Variants in ARHGEF19 observed in about 807,000 individuals in gnomAD.
ARHGEF19 encodes the protein Rho guanine nucleotide exchange factor 19, also known as Rho guanine nucleotide exchange factor (GEF) 19.
A neutral mutation model predicts 87.6 loss-of-function variants in ARHGEF19; 92 were observed. The observed-to-expected ratio is 1.05, with a 90% CI of 0.89 to 1.25. The LOEUF is 1.25. Ranked by LOEUF, ARHGEF19 falls within the 50% of genes most tolerant of loss-of-function variation. The probability of loss-of-function intolerance (pLI) is 0.00; values close to 1 mark genes in which losing one functional copy is unlikely to be tolerated. For missense variants in ARHGEF19, 1,054 were observed against 1,051.8 expected, an observed-to-expected ratio of 1.00 and a Z score of -0.03; for synonymous variants, 438 against 446.2, an observed-to-expected ratio of 0.98 and a Z score of 0.23.
Position 16,207,125 on chromosome 1 carries a change from C to T in ARHGEF19, c.960G>A (p.Glu320=). ...QQREEEGPGD[E]AEGAEEGPGP... is the part of the protein sequence containing the mutation. ...CCGGCCCCTCCTCTGCGCCCTCGGC[C>T]TCGTCCCCCGGGCCCTCCTCCTCGC... is the stretch of plus-strand genomic sequence containing the variant. The change falls in exon 6 of 16, where the codon GAG becomes GAA. Residue 320 remains glutamate (E), a synonymous_variant. Coordinates refer to ENST00000270747, the MANE Select transcript of ARHGEF19 (RefSeq NM_153213.5). The surrounding 1 kb of genome is among the most constrained non-coding windows in gnomAD (Gnocchi z 4.0). 6.6e-7 allele frequency: 1 copy of T among 1,520,952 alleles called. No individual in the cohort carries two copies. Among genetic ancestry groups the T allele is most frequent in the Non-Finnish European group, 8.8e-7 (1 of 1,138,280 alleles). 94.2% of individuals were successfully genotyped at this position (1,520,952 alleles called of 1,614,324 possible).
In ARHGEF19 at chr1:16,209,001, G is replaced by A. The variant is rs1039661257; in HGVS notation, c.54C>T (p.Gly18=). ...TLQPHLTGPP[G]TAHHPVAVCQ... is the part of the protein sequence containing the mutation. ...ACACTGCTACAGGGTGGTGGGCAGT[G>A]CCAGGTGGCCCAGTCAGGTGGGGCT... The change falls in exon 2 of 16, where the codon GGC becomes GGT. Residue 18 remains glycine, a synonymous_variant. Transcript: ENST00000270747. 1.7e-5 allele frequency: 25 copies of A among 1,510,594 alleles called. No homozygotes were observed. Among genetic ancestry groups the A allele is most frequent in the Non-Finnish European group, 2.2e-5 (25 of 1,130,552 alleles). 93.6% of individuals were successfully genotyped at this position (1,510,594 alleles called of 1,614,324 possible).
Position 16,206,224 on chromosome 1 carries a change from C to G in ARHGEF19, c.1254G>C (p.Gln418His). ...LSECLGAQDK[Q>H]WLFSKLPEVK... ...CCTCGGGCAGTTTGGAAAACAGCCA[C>G]TGCTTGTCCTGCGCCCCCAGACACT... The change falls in exon 7 of 16, where the codon CAG becomes CAC. Residue 418 changes from glutamine to histidine, a missense_variant. Gln to His is a conservative substitution (Grantham distance 24). Transcript: ENST00000270747. The surrounding 1 kb of genome is among the most constrained non-coding windows in gnomAD (Gnocchi z 4.6). The G allele has an allele frequency of 6.3e-7, 1 of 1,597,156 alleles. No homozygotes were observed. The highest frequency in any genetic ancestry group is 8.5e-7 in the Non-Finnish European group (1 of 1,171,738).
Position 16,206,907 on chromosome 1 carries a change from C to T in ARHGEF19, c.1137+41G>A. ...GCTAAGTCCCCGGACCGCGTACTCC[C>T]CGGCCCGCCCCCGCCCCGCCGGGTC... is the stretch of plus-strand genomic sequence containing the variant. On this transcript the variant is annotated intron_variant, in intron 6 of 15. Coordinates refer to ENST00000270747, the MANE Select transcript of ARHGEF19 (RefSeq NM_153213.5). This position sits in a 1 kb window ranked among gnomAD's most constrained non-coding sequence, Gnocchi z 4.6. 7.0e-7 allele frequency: 1 copy of T among 1,424,888 alleles called. No homozygotes were observed. Among genetic ancestry groups the T allele is most frequent in the South Asian group, 1.5e-5 (1 of 68,258 alleles). The allele number at this position is 1,424,888 out of a possible 1,614,324, so 88.3% of individuals were successfully genotyped here. A position where few individuals can be genotyped will look rare whatever the true frequency, so the allele number is the denominator to read the frequency against.
chr1:16,204,821 C>T lies in ARHGEF19; in HGVS notation c.1845G>A (p.Leu615=). ...GGTGGAGGTAGACTGCCTTGCTGGA[C>T]AGCTTCAGCTTGGCAGGGGGTGCTG... The part of the protein sequence containing the change: ...LPAAPPAKLK[L]SSKAVYLHLF... The change falls in exon 12 of 16, where the codon CTG becomes CTA. Residue 615 remains leucine (L), a synonymous_variant. Transcript: ENST00000270747. The T allele has an allele frequency of 6.2e-7, 1 of 1,611,650 alleles. No individual in the cohort carries two copies. Among genetic ancestry groups the T allele is most frequent in the Non-Finnish European group, 8.5e-7 (1 of 1,178,834 alleles).
chr1:16,203,015 G>A (rs115214110), intron 12 of ARHGEF19, among the ~76,000 whole-genome samples: 466 of 152,102 alleles, frequency 3.1e-3, no homozygotes, highest in Non-Finnish European at 4.9e-3. Context: ...TCTGCCAAGC[G>A]TCTGTTCCAA....
At position 16,207,548 on chromosome 1, in the gene ARHGEF19, C is replaced by A; in HGVS notation, c.848G>T (p.Arg283Leu). The change falls in exon 5 of 16, where the codon CGG becomes CTG. Residue 283 changes from arginine to leucine, a missense_variant. Transcript: ENST00000270747. The surrounding 1 kb of genome is among the most constrained non-coding windows in gnomAD (Gnocchi z 4.0). ...PPLGSRSTNE[R>L]RQSRFLLNSV... ...GTTAAGGAGGAATCGAGACTGGCGC[C>A]GCTCGTTGGTGCTCCTGGACCCCAA... The A allele has an allele frequency of 1.2e-6, 2 of 1,613,998 alleles. No homozygotes were observed. The highest frequency in any genetic ancestry group is 2.2e-5 in the East Asian group (1 of 44,860).
In ARHGEF19 at chr1:16,206,961, C is replaced by T. The variant is rs1223095429; in HGVS notation, c.1124G>A (p.Cys375Tyr). The T allele has an allele frequency of 1.3e-5, 20 of 1,498,190 alleles. No homozygotes were observed. Among genetic ancestry groups the T allele is most frequent in the Admixed American group, 2.2e-5 (1 of 44,628 alleles). The allele number at this position is 1,498,190 out of a possible 1,614,324, so 92.8% of individuals were successfully genotyped here. Residue 375 changes from cysteine to tyrosine, a missense_variant, in exon 6 of 16, where the codon TGC (cysteine) becomes TAC (tyrosine). Physicochemically the swap from Cys to Tyr is radical, Grantham distance 194. Coordinates refer to ENST00000270747, the MANE Select transcript of ARHGEF19 (RefSeq NM_153213.5). This position sits in a 1 kb window ranked among gnomAD's most constrained non-coding sequence, Gnocchi z 4.6. ...GVLATLSLRD[C>Y]KLQEAKFELI... Reference sequence around the variant, plus strand: ...GCGCGCGCCCACCTCCTGCAGCTTGCAGTCCCGCAGGCTCAGCGTGGCCAG... The same window carrying T: ...GCGCGCGCCCACCTCCTGCAGCTTGTAGTCCCGCAGGCTCAGCGTGGCCAG...
rs2081129612 is a variant in ARHGEF19 at position 16,206,027 on chromosome 1, C to A, written c.1355G>T (p.Cys452Phe). ...LEADVLRFSVCDVVLDHCPAF... is the reference protein window; with the variant it reads ...LEADVLRFSVFDVVLDHCPAF... ...CGGGCAGTGGTCCAGCACCACGTCG[C>A]ACACGCTGAAGCGCAGCACATCTGC... The change falls in exon 8 of 16, where the codon TGC becomes TTC. Residue 452 changes from cysteine to phenylalanine, a missense_variant. Coordinates refer to ENST00000270747, the MANE Select transcript of ARHGEF19 (RefSeq NM_153213.5). This position sits in a 1 kb window ranked among gnomAD's most constrained non-coding sequence, Gnocchi z 4.6. The A allele has an allele frequency of 6.3e-7, 1 of 1,598,622 alleles. No homozygotes were observed. Among genetic ancestry groups the A allele is most frequent in the African/African-American group, 1.3e-5 (1 of 74,788 alleles).
intron 13 of ARHGEF19, 74 bp downstream of exon 13, chr1:16,202,342 G>T: frequency 3.7e-6 from 3 of 817,966 alleles, no homozygotes; most frequent in Non-Finnish European, 4.9e-6. Flanking sequence ...TGGGGACGGG[G>T]TGCCCATCAT....
In ARHGEF19 at chr1:16,207,624, C is replaced by G. The variant is rs984766086; in HGVS notation, c.798-26G>C. The G allele has an allele frequency of 3.7e-6, 6 of 1,613,924 alleles. No individual in the cohort carries two copies. Among genetic ancestry groups the G allele is most frequent in the Non-Finnish European group, 5.1e-6 (6 of 1,180,008 alleles). ...CTAGGAAAGAGAGAGCGTCACGGCC[C>G]TAGTTCGCCTGCACCCTGTCTCGGA... On this transcript the variant is annotated intron_variant, in intron 4 of 15. Transcript: ENST00000270747. This position sits in a 1 kb window ranked among gnomAD's most constrained non-coding sequence, Gnocchi z 4.0.
chr1:16,202,550 G>T lies in ARHGEF19; in HGVS notation c.1932C>A (p.Val644=). ...RKELGKFAVF[V]HAKMAELQVR... is the part of the protein sequence containing the mutation. ...CCTGCAGCTCAGCCATCTTGGCATG[G>T]ACGAAAACGGCAAACTTCCCTAGCC... is the stretch of plus-strand genomic sequence containing the variant. Residue 644 remains valine (V), a synonymous_variant, in exon 13 of 16, where the codon GTC becomes GTA. Coordinates refer to ENST00000270747, the MANE Select transcript of ARHGEF19 (RefSeq NM_153213.5). 1 of 1,613,866 alleles carries T rather than the reference G, an allele frequency of 6.2e-7. No homozygotes were observed. Among genetic ancestry groups the T allele is most frequent in the South Asian group, 1.1e-5 (1 of 91,078 alleles).
At chr1:16,210,053 G>A (rs221062) in intron 1 of ARHGEF19, among the ~76,000 whole-genome samples, 35,663 of 152,226 alleles carry the variant, frequency 0.23, 4,682 homozygotes, top group South Asian at 0.39. Flanking sequence ...CCCTCCGATC[G>A]GGGCAGGCCT....
chr1:16,206,612 T>C lies in ARHGEF19; in HGVS notation c.1138-272A>G, dbSNP rs1472564331. Reference sequence around the variant, plus strand: ...CCCACCCCCCAGGTCCCGCCCCTGATCCTGGCCCCGCCTTGTTCCGCGCCC... The same window carrying C: ...CCCACCCCCCAGGTCCCGCCCCTGACCCTGGCCCCGCCTTGTTCCGCGCCC... On this transcript the variant is annotated intron_variant, in intron 6 of 15. Transcript: ENST00000270747. This position sits in a 1 kb window ranked among gnomAD's most constrained non-coding sequence, Gnocchi z 4.6. 6.8e-6 allele frequency: 2 copies of C among 293,018 alleles called. No individual in the cohort carries two copies. Among genetic ancestry groups the C allele is most frequent in the African/African-American group, 3.7e-5 (1 of 27,142 alleles). The allele number at this position is 293,018 out of a possible 1,614,324, so 18.2% of individuals were successfully genotyped here. A position where few individuals can be genotyped will look rare whatever the true frequency, so the allele number is the denominator to read the frequency against.
Position 16,208,782 on chromosome 1 carries a change from G to C in ARHGEF19, c.273C>G (p.Ser91Arg). The C allele has an allele frequency of 1.2e-6, 2 of 1,613,432 alleles. No individual in the cohort carries two copies. The highest frequency in any genetic ancestry group is 8.5e-7 in the Non-Finnish European group (1 of 1,179,766). ...CAGCCCTGCTGGGCCGCATCCCCCC[G>C]CTGGTGATCTCTGTATCTGAGCCTC... is the stretch of plus-strand genomic sequence containing the variant. ...SPGGSDTEIT[S>R]GGMRPSRAGS... is the part of the protein sequence containing the mutation. The change falls in exon 2 of 16, where the codon AGC becomes AGG. Residue 91 changes from serine (S) to arginine (R), a missense_variant. Ser to Arg is a moderately radical substitution (Grantham distance 110). Coordinates refer to ENST00000270747, the MANE Select transcript of ARHGEF19 (RefSeq NM_153213.5).
rs2100275517 is a variant in ARHGEF19, at chr1:16,205,522, T to C, written c.1581+16A>G. 1 of 1,613,858 alleles carries C rather than the reference T, an allele frequency of 6.2e-7. No individual in the cohort carries two copies. Among genetic ancestry groups the C allele is most frequent in the Non-Finnish European group, 8.5e-7 (1 of 1,179,908 alleles). ...CCCTCGCCCAGCCCTCACTGTGGCC[T>C]GTCCCCTCGAGGTACCTCCACCAAC... is the stretch of plus-strand genomic sequence containing the variant. On this transcript the variant is annotated intron_variant, in intron 9 of 15. Coordinates refer to ENST00000270747, the MANE Select transcript of ARHGEF19 (RefSeq NM_153213.5). This position sits in a 1 kb window ranked among gnomAD's most constrained non-coding sequence, Gnocchi z 5.8.
chr1:16,211,170 C>G (rs751444807), intron 1 of ARHGEF19, among the ~76,000 whole-genome samples: 3 of 152,330 alleles, frequency 2.0e-5, no homozygotes, highest in Non-Finnish European at 2.9e-5. Context: ...CAGTCTTTCT[C>G]TAGACAGAAG....
chr1:16,202,319 G>C, intron 13 of ARHGEF19, 97 bp downstream of exon 13: 2 of 1,446,990 alleles, frequency 1.4e-6, no homozygotes, highest in South Asian at 1.4e-5. Flanking sequence ...GGATGTCCCA[G>C]GGGTGCCCGC....
At position 16,207,036 on chromosome 1, in the gene ARHGEF19, G is replaced by A. The variant is rs1477472900; in HGVS notation, c.1049C>T (p.Ser350Phe). 2.0e-6 allele frequency: 3 copies of A among 1,513,612 alleles called. No homozygotes were observed. The South Asian group carries it at 3.7e-5, about 19-fold the overall frequency. The allele number at this position is 1,513,612 out of a possible 1,614,324, so 93.8% of individuals were successfully genotyped here. Residue 350 changes from serine to phenylalanine, a missense_variant, in exon 6 of 16, where the codon TCC (serine) becomes TTC (phenylalanine). Transcript: ENST00000270747. This position sits in a 1 kb window ranked among gnomAD's most constrained non-coding sequence, Gnocchi z 4.0. Reference sequence around the variant, plus strand: ...GATATCCTGCCACAGCGAGAAGGTGGAGCCTCGCGCCGAGCGCTGCGCCCG... The same window carrying A: ...GATATCCTGCCACAGCGAGAAGGTGAAGCCTCGCGCCGAGCGCTGCGCCCG... ...SFRAQRSARG[S>F]TFSLWQDIPD...
At position 16,207,817 on chromosome 1, in the gene ARHGEF19, TGGGCCTGGGGCCTGGGCCC is replaced by T. The variant is rs1557542271; in HGVS notation, c.695-59_695-41del. 6 of 1,609,394 alleles carry T rather than the reference TGGGCCTGGGGCCTGGGCCC, an allele frequency of 3.7e-6. No individual in the cohort carries two copies. Among genetic ancestry groups the T allele is most frequent in the Non-Finnish European group, 5.1e-6 (6 of 1,178,462 alleles). Reference sequence around the variant, plus strand: ...AACTGAGGGTGGGGGGTCCAGAGAGTGGGCCTGGGGCCTGGGCCCCGGCCCAGGCACCCTGACGGCCTCA... The same window carrying T: ...AACTGAGGGTGGGGGGTCCAGAGAGTCGGCCCAGGCACCCTGACGGCCTCA... On this transcript the variant is annotated intron_variant, in intron 3 of 15. Coordinates refer to ENST00000270747, the MANE Select transcript of ARHGEF19 (RefSeq NM_153213.5). The surrounding 1 kb of genome is among the most constrained non-coding windows in gnomAD (Gnocchi z 4.0).
Sources: allele counts gnomAD v4.1 joint callset (sites outside exome capture counted in the v4.1 genomes callset), GRCh38; gene constraint gnomAD v4.1.1; non-coding constraint Gnocchi (gnomAD v3.1); transcripts MANE v1.5; gene names NCBI Gene and HGNC (gene_info 2026-07-23, HGNC 2026-07-21).